ATP8A2: variants seen among roughly 807,000 people sequenced by gnomAD.
The protein encoded by ATP8A2 is ATPase phospholipid transporting 8A2, also known as phospholipid-transporting ATPase IB.
In ATP8A2, 100 loss-of-function variants were observed where a neutral mutation model predicts 165.6. The ratio of observed to expected loss-of-function variants is 0.60; its 90% CI spans 0.51 to 0.71. ATP8A2 has a LOEUF of 0.71. ATP8A2 is among the 30% of genes least tolerant of loss of function. The pLI is 0.00. For synonymous variants in ATP8A2, 543 were observed against 548.8 expected (o/e 0.99, Z 0.15); for missense variants, 1,227 against 1,479.5 (o/e 0.83, Z 2.80).
At chr13:25,946,905 G>A (rs1434035532) in intron 33 of ATP8A2, among the ~76,000 whole-genome samples, 1 of 152,016 alleles carries the variant, frequency 6.6e-6, no homozygotes, top group East Asian at 1.9e-4. Context: ...GCACCACCAC[G>A]CCTGGCCAGT....
intron 10 of ATP8A2, among the ~76,000 whole-genome samples, chr13:25,550,774 T>A (rs2038795811): frequency 6.6e-6 from 1 of 152,226 alleles, no homozygotes; most frequent in Non-Finnish European, 1.5e-5. Context: ...GAACTTTTTG[T>A]CCATCCACTT....
chr13:25,410,627 TTC>T (rs1232201908), intron 1 of ATP8A2, among the ~76,000 whole-genome samples: 13 of 152,234 alleles, frequency 8.5e-5, no homozygotes, highest in African/African-American at 2.4e-5. Context: ...GGGTCAGGTG[TTC>T]TGCTAAGCTT....
intron 24 of ATP8A2, among the ~76,000 whole-genome samples, chr13:25,658,635 G>A (rs754155913): frequency 7.2e-5 from 11 of 152,238 alleles, no homozygotes; most frequent in Non-Finnish European, 1.2e-4. Flanking sequence ...GTGAAACTCC[G>A]TCTCAAAAAA....
chr13:25,908,437 G>A (rs1954010921), intron 33 of ATP8A2, among the ~76,000 whole-genome samples: 1 of 152,228 alleles, frequency 6.6e-6, no homozygotes, highest in South Asian at 2.1e-4. Flanking sequence ...GCAACGTCTT[G>A]TCTTACAAGA....
intron 25 of ATP8A2, among the ~76,000 whole-genome samples, chr13:25,763,590 C>T (rs2044429560): frequency 6.6e-6 from 1 of 152,184 alleles, no homozygotes; most frequent in African/African-American, 2.4e-5. Flanking sequence ...TTTCCCACTA[C>T]TGCCCTCCCA....
At chr13:25,742,920 G>C (rs1014787398) in intron 25 of ATP8A2, among the ~76,000 whole-genome samples, 1 of 152,040 alleles carries the variant, frequency 6.6e-6, no homozygotes, top group Non-Finnish European at 1.5e-5. Context: ...TTCTGGGGGA[G>C]CCAGCTTCCA....
At chr13:25,431,268 C>G (rs934572983) in intron 1 of ATP8A2, among the ~76,000 whole-genome samples, 1 of 152,182 alleles carries the variant, frequency 6.6e-6, no homozygotes, top group Non-Finnish European at 1.5e-5. Context: ...TCCTGCCCAG[C>G]CTCCCGAGTA....
At chr13:25,881,117 CTTTCT>C (rs1374098593) in intron 33 of ATP8A2, among the ~76,000 whole-genome samples, 1 of 152,154 alleles carries the variant, frequency 6.6e-6, no homozygotes, top group East Asian at 1.9e-4. Context: ...TATTAATTTA[CTTTCT>C]TTTGTTTGGG....
chr13:25,938,655 C>T (rs959142396), intron 33 of ATP8A2, among the ~76,000 whole-genome samples: 8 of 152,140 alleles, frequency 5.3e-5, no homozygotes, highest in African/African-American at 1.9e-4. Context: ...GCCCAAGCTG[C>T]TCATCCACCA....
rs1000164210 is a variant in ATP8A2, at chr13:25,372,831, A to G, written c.76+543A>G. On this transcript the variant is annotated intron_variant, in intron 1 of 36. Coordinates refer to ENST00000381655, the MANE Select transcript of ATP8A2 (RefSeq NM_016529.6). This position sits in a 1 kb window ranked among gnomAD's most constrained non-coding sequence, Gnocchi z 4.8. ...AGCGGCGACGTACTGGCTCATAACC[A>G]TCCGTGCATACAACCATCTGGAGAC... 6.6e-6 allele frequency among the ~76,000 whole-genome samples: 1 copy of G among 152,116 alleles called. No individual in the cohort carries two copies. The highest frequency in any genetic ancestry group is 2.4e-5 in the African/African-American group (1 of 41,426).
intron 24 of ATP8A2, among the ~76,000 whole-genome samples, chr13:25,660,459 G>A (rs2042025333): frequency 6.6e-6 from 1 of 152,162 alleles, no homozygotes; most frequent in African/African-American, 2.4e-5. Context: ...TAGCTAGCAA[G>A]CAAGTTGGAT....
At chr13:25,558,326 G>A (rs1370185830) in intron 13 of ATP8A2, among the ~76,000 whole-genome samples, 3 of 152,240 alleles carry the variant, frequency 2.0e-5, no homozygotes, top group South Asian at 2.1e-4. Context: ...CTTGTTTAAA[G>A]TATAAATTAG....
rs149843641 is a variant in ATP8A2 at position 25,750,761 on chromosome 13, C to T, written c.2385-18285C>T. 3.3e-3 allele frequency among the ~76,000 whole-genome samples: 496 copies of T among 151,848 alleles called. 4 individuals carry two copies. Among genetic ancestry groups the T allele is most frequent in the African/African-American group, 0.011 (473 of 41,390 alleles). On this transcript the variant is annotated intron_variant, in intron 25 of 36. Coordinates refer to ENST00000381655, the MANE Select transcript of ATP8A2 (RefSeq NM_016529.6). This position sits in a 1 kb window ranked among gnomAD's most constrained non-coding sequence, Gnocchi z 4.3. Reference sequence around the variant, plus strand: ...TTGCGAAGAAAAGTCCTCTTCTGCTCGATGTATACAAAACTTCTGTTTTGA... The same window carrying T: ...TTGCGAAGAAAAGTCCTCTTCTGCTTGATGTATACAAAACTTCTGTTTTGA...
At chr13:25,402,827 A>T (rs59878306) in intron 1 of ATP8A2, among the ~76,000 whole-genome samples, 1 of 152,034 alleles carries the variant, frequency 6.6e-6, no homozygotes, top group East Asian at 1.9e-4. Context: ...CCTTAGACTA[A>T]GTAATTCATA....
intron 2 of ATP8A2, among the ~76,000 whole-genome samples, chr13:25,514,653 CT>C (rs2037407128): frequency 6.6e-6 from 1 of 152,182 alleles, no homozygotes; most frequent in Admixed American, 6.5e-5. Flanking sequence ...GCTTCGAACT[CT>C]TTATAGTTTA....
chr13:25,840,045 C>T (rs1455467111), intron 30 of ATP8A2, among the ~76,000 whole-genome samples: 1 of 152,144 alleles, frequency 6.6e-6, no homozygotes, highest in Non-Finnish European at 1.5e-5. Flanking sequence ...AGATTTGAAT[C>T]TTATTCCTAG....
intron 35 of ATP8A2, among the ~76,000 whole-genome samples, chr13:25,970,063 TTAAAACCCTATA>T (rs1311270786): frequency 6.6e-6 from 1 of 152,234 alleles, no homozygotes; most frequent in Non-Finnish European, 1.5e-5. Flanking sequence ...TAATAAATGT[TTAAAACCCTATA>T]AAATGCATAT....
intron 14 of ATP8A2, 91 bp downstream of exon 14, chr13:25,559,152 T>C: frequency 1.2e-6 from 1 of 868,680 alleles, no homozygotes. Context: ...ATCTTGACTT[T>C]CTGATGTTTT....
intron 33 of ATP8A2, among the ~76,000 whole-genome samples, chr13:25,884,709 A>AGCATG (rs1483359576): frequency 6.6e-6 from 1 of 152,162 alleles, no homozygotes; most frequent in African/African-American, 2.4e-5. Flanking sequence ...GACTCTCCTA[A>AGCATG]GCATGCTTTG....
Sources: allele counts gnomAD v4.1 joint callset (sites outside exome capture counted in the v4.1 genomes callset), GRCh38; gene constraint gnomAD v4.1.1; non-coding constraint Gnocchi (gnomAD v3.1); transcripts MANE v1.5; gene names NCBI Gene and HGNC (gene_info 2026-07-23, HGNC 2026-07-21).